The following NOS1AP variants were observed in gnomAD, a reference collection of about 807,000 sequenced individuals.
NOS1AP encodes nitric oxide synthase 1 adaptor protein, also known as carboxyl-terminal PDZ ligand of neuronal nitric oxide synthase protein.
In NOS1AP, 21 loss-of-function variants were observed where a neutral mutation model predicts 56.2. The observed-to-expected ratio is 0.37, with a 90% CI of 0.26 to 0.54. The LOEUF is 0.54. Ranked by LOEUF, NOS1AP falls within the 20% of genes least tolerant of loss-of-function variation. The pLI, the probability that NOS1AP is intolerant of heterozygous loss-of-function variation, is 0.84. For synonymous variants in NOS1AP, 270 were observed against 274.6 expected (o/e 0.98, Z 0.17); for missense variants, 522 against 657.8 (o/e 0.79, Z 2.26).
chr1:162,210,127 G>A (rs1469108290), intron 2 of NOS1AP, among the ~76,000 whole-genome samples: 1 of 152,200 alleles, frequency 6.6e-6, no homozygotes, highest in Non-Finnish European at 1.5e-5. Flanking sequence ...CTGATTATAT[G>A]GGAGGGATGG....
At chr1:162,335,635 T>C (rs1456645046) in intron 5 of NOS1AP, among the ~76,000 whole-genome samples, 5 of 152,100 alleles carry the variant, frequency 3.3e-5, no homozygotes, top group Non-Finnish European at 7.4e-5. Context: ...TGGAAGTCAA[T>C]AGGGAGTCCT....
intron 3 of NOS1AP, among the ~76,000 whole-genome samples, chr1:162,291,025 C>CAA (rs11292339): frequency 1.0e-4 from 15 of 144,214 alleles, no homozygotes; most frequent in African/African-American, 3.8e-4. Flanking sequence ...ACTGGACTAT[C>CAA]AAAAAAAAAA....
Position 162,242,579 on chromosome 1 carries a change from C to T in NOS1AP, c.178-44765C>T, listed in dbSNP as rs545205560. Among the ~76,000 whole-genome samples, 29 of 152,290 alleles carry T rather than the reference C, an allele frequency of 1.9e-4. No homozygotes were observed. In the South Asian group the frequency reaches 5.6e-3, roughly 29 times the overall value. On this transcript the variant is annotated intron_variant, in intron 2 of 9. Transcript: ENST00000361897. ...TCAAAATTTCAGATGCAGCCCTAGC[C>T]AACATCTTACTGTAACTGCACGCAA...
intron 4 of NOS1AP, among the ~76,000 whole-genome samples, chr1:162,321,152 T>A (rs1656401277): frequency 6.6e-6 from 1 of 152,236 alleles, no homozygotes; most frequent in Admixed American, 6.5e-5. Flanking sequence ...TACATATGGC[T>A]AGCCAATTTT....
At chr1:162,308,461 A>AC (rs1355526161) in intron 4 of NOS1AP, among the ~76,000 whole-genome samples, 2 of 152,290 alleles carry the variant, frequency 1.3e-5, no homozygotes, top group Middle Eastern at 3.4e-3. Flanking sequence ...GAGGCCCACA[A>AC]CACCTAGTGT....
chr1:162,362,880 T>G, intron 8 of NOS1AP: 1 of 887,416 alleles, frequency 1.1e-6, no homozygotes, highest in Non-Finnish European at 1.4e-6. Flanking sequence ...CCACCCACCA[T>G]CTGACATCCA....
intron 2 of NOS1AP, among the ~76,000 whole-genome samples, chr1:162,165,110 T>C (rs1229811177): frequency 1.3e-5 from 2 of 152,038 alleles, no homozygotes; most frequent in South Asian, 2.1e-4. Flanking sequence ...TCACCTGAGG[T>C]TGGGAGTTCA....
intron 1 of NOS1AP, 91 bp from the exon 2 acceptor site, chr1:162,154,314 A>T: frequency 1.9e-6 from 2 of 1,061,394 alleles, no homozygotes; most frequent in Non-Finnish European, 2.9e-6. Context: ...TAAAATGGGC[A>T]GATGAGCTAG....
intron 1 of NOS1AP, among the ~76,000 whole-genome samples, chr1:162,153,599 A>G (rs185151265): frequency 6.6e-6 from 1 of 152,354 alleles, no homozygotes; most frequent in Admixed American, 6.5e-5. Flanking sequence ...TCCTGTATTC[A>G]TTGGCATAGA....
intron 1 of NOS1AP, among the ~76,000 whole-genome samples, chr1:162,125,335 T>C (rs893994196): frequency 6.6e-6 from 1 of 152,076 alleles, no homozygotes; most frequent in African/African-American, 2.4e-5. Context: ...GGTTTCACCA[T>C]GTGGCCCAAG....
At chr1:162,348,822 A>G (rs1314503714) in intron 6 of NOS1AP, among the ~76,000 whole-genome samples, 2 of 152,206 alleles carry the variant, frequency 1.3e-5, no homozygotes, top group African/African-American at 4.8e-5. Flanking sequence ...AGAGAAAGAC[A>G]GAGATGGCTC....
chr1:162,093,773 G>A (rs985489980), intron 1 of NOS1AP, among the ~76,000 whole-genome samples: 11 of 152,030 alleles, frequency 7.2e-5, no homozygotes, highest in African/African-American at 2.7e-4. Flanking sequence ...GGCTGGTCTT[G>A]AACTCTTGGG....
rs367750852 is a variant in NOS1AP, at chr1:162,367,104, C to T, written c.1158C>T (p.Pro386=). The T allele has an allele frequency of 6.2e-7, 1 of 1,613,950 alleles. No individual in the cohort carries two copies. Among genetic ancestry groups the T allele is most frequent in the Non-Finnish European group, 8.5e-7 (1 of 1,180,012 alleles). The change falls in exon 10 of 10, where the codon CCC becomes CCT. Residue 386 remains proline, a synonymous_variant. Coordinates refer to ENST00000361897, the MANE Select transcript of NOS1AP (RefSeq NM_014697.3). The surrounding 1 kb of genome is among the most constrained non-coding windows in gnomAD (Gnocchi z 6.5). ...LEITFRSGAL[P]VLCDPTTPKP... ...TCACCTTCCGCTCCGGAGCCCTGCC[C>T]GTGCTCTGTGACCCCACGACCCCTA...
At chr1:162,115,890 T>C (rs1331759390) in intron 1 of NOS1AP, among the ~76,000 whole-genome samples, 1 of 152,340 alleles carries the variant, frequency 6.6e-6, no homozygotes, top group Non-Finnish European at 1.5e-5. Context: ...ATGGGAGGTA[T>C]GCAGGTTTTA....
chr1:162,181,817 A>G (rs1341231788), intron 2 of NOS1AP, among the ~76,000 whole-genome samples: 3 of 152,028 alleles, frequency 2.0e-5, no homozygotes, highest in Non-Finnish European at 4.4e-5. Flanking sequence ...TTTGTTCAGT[A>G]CTCTCCTTGT....
At chr1:162,243,767 G>A (rs1653573373) in intron 2 of NOS1AP, among the ~76,000 whole-genome samples, 2 of 152,216 alleles carry the variant, frequency 1.3e-5, no homozygotes, top group South Asian at 4.1e-4. Flanking sequence ...CATCTGAGAT[G>A]TTGGCTGTCT....
At chr1:162,135,928 T>C (rs797006629) in intron 1 of NOS1AP, among the ~76,000 whole-genome samples, 42 of 152,374 alleles carry the variant, frequency 2.8e-4, no homozygotes, top group African/African-American at 9.9e-4. Flanking sequence ...TTATTGACTT[T>C]CCTGTGTATG....
chr1:162,111,717 A>C (rs1355102594), intron 1 of NOS1AP, among the ~76,000 whole-genome samples: 2 of 152,250 alleles, frequency 1.3e-5, no homozygotes, highest in East Asian at 3.8e-4. Flanking sequence ...TGCCTGCCAA[A>C]TACAAGGAGA....
At chr1:162,072,238 A>G (rs1383660760) in intron 1 of NOS1AP, among the ~76,000 whole-genome samples, 1 of 152,196 alleles carries the variant, frequency 6.6e-6, no homozygotes, top group Non-Finnish European at 1.5e-5. Context: ...CCACACCCCA[A>G]TTTTAATTTG....
Sources: allele counts gnomAD v4.1 joint callset (sites outside exome capture counted in the v4.1 genomes callset), GRCh38; gene constraint gnomAD v4.1.1; non-coding constraint Gnocchi (gnomAD v3.1); transcripts MANE v1.5; gene names NCBI Gene and HGNC (gene_info 2026-07-23, HGNC 2026-07-21).